IPP: variants seen among roughly 807,000 people sequenced by gnomAD.
The protein encoded by IPP is intracisternal A particle-promoted polypeptide.
A neutral mutation model predicts 64.1 loss-of-function variants in IPP; 41 were observed. The observed-to-expected ratio is 0.64, with a 90% CI of 0.50 to 0.83. The LOEUF is 0.83. Among genes scored for constraint, IPP ranks in the 40% least tolerant of loss-of-function variants. IPP has a pLI of 0.00. For synonymous variants in IPP, 214 were observed against 235.2 expected (o/e 0.91, Z 0.83); for missense variants, 649 against 703.0 (o/e 0.92, Z 0.87).
intron 5 of IPP, among the ~76,000 whole-genome samples, chr1:45,721,993 CGA>C (rs1226507925): frequency 6.6e-6 from 1 of 152,002 alleles, no homozygotes; most frequent in African/African-American, 2.4e-5. Flanking sequence ...CACTTGAACC[CGA>C]GAGGCAGAGG....
At position 45,737,019 on chromosome 1, in the gene IPP, G is replaced by A. The variant is rs533882623; in HGVS notation, c.724+3882C>T. On this transcript the variant is annotated intron_variant, in intron 3 of 8. Coordinates refer to ENST00000396478, the MANE Select transcript of IPP (RefSeq NM_005897.3). ...GATCGCGCCACTGCACTCCAGCCTG[G>A]GCGACAGAGCGAGACTCCATCTCAA... is the stretch of plus-strand genomic sequence containing the variant. Among the ~76,000 whole-genome samples the A allele has an allele frequency of 1.0e-4, 15 of 148,588 alleles. No homozygotes were observed. In the East Asian group the frequency reaches 2.5e-3, roughly 25 times the overall value.
intron 3 of IPP, among the ~76,000 whole-genome samples, chr1:45,730,916 T>C (rs1336211927): frequency 6.6e-6 from 1 of 152,212 alleles, no homozygotes. Flanking sequence ...GGAAAGTCTT[T>C]ACAAGACCAT....
chr1:45,739,973 T>G (rs1646037791), intron 3 of IPP, among the ~76,000 whole-genome samples: 1 of 152,108 alleles, frequency 6.6e-6, no homozygotes, highest in Non-Finnish European at 1.5e-5. Flanking sequence ...CCTGCGGCCT[T>G]CCGCAGTGTT....
chr1:45,737,500 A>G (rs1570036717), intron 3 of IPP, among the ~76,000 whole-genome samples: 1 of 129,132 alleles, frequency 7.7e-6, no homozygotes, highest in Admixed American at 9.4e-5. Context: ...TGGCTCTGCC[A>G]CCCAGGCTAG....
intron 5 of IPP, among the ~76,000 whole-genome samples, chr1:45,725,836 A>G (rs1293947704): frequency 3.7e-5 from 5 of 136,436 alleles, no homozygotes; most frequent in African/African-American, 1.3e-4. Flanking sequence ...ACTCAGAGTT[A>G]AATGGATTAA....
chr1:45,706,454 ATTTT>A (rs796162586), intron 8 of IPP, among the ~76,000 whole-genome samples: 1 of 150,632 alleles, frequency 6.6e-6, no homozygotes, highest in Non-Finnish European at 1.5e-5. Context: ...TTTTTTAATA[ATTTT>A]TTTTTTCCAA....
intron 8 of IPP, among the ~76,000 whole-genome samples, chr1:45,707,960 C>T (rs1223768646): frequency 6.6e-6 from 1 of 151,826 alleles, no homozygotes; most frequent in African/African-American, 2.4e-5. Context: ...AGAAAAAACA[C>T]GTTACATATG....
chr1:45,746,571 A>C, intron 1 of IPP, 110 bp from the exon 2 acceptor site: 3 of 574,354 alleles, frequency 5.2e-6, no homozygotes. Flanking sequence ...GACATAAAAC[A>C]AATAAGGACT....
intron 3 of IPP, among the ~76,000 whole-genome samples, chr1:45,735,769 A>G (rs1299081858): frequency 6.6e-6 from 1 of 151,666 alleles, no homozygotes; most frequent in East Asian, 1.9e-4. Context: ...AGCTGGGACT[A>G]CAGATGCGTG....
chr1:45,737,530 G>A (rs984092534), intron 3 of IPP, among the ~76,000 whole-genome samples: 5 of 138,972 alleles, frequency 3.6e-5, no homozygotes, highest in African/African-American at 1.4e-4. Flanking sequence ...GTACAATCTT[G>A]GCTCACTGCA....
intron 1 of IPP, among the ~76,000 whole-genome samples, chr1:45,749,200 A>G (rs561186523): frequency 4.8e-4 from 73 of 152,318 alleles, no homozygotes; most frequent in Non-Finnish European, 7.8e-4. Context: ...GCCTCCTGCT[A>G]CAAGAAAGAG....
intron 8 of IPP, among the ~76,000 whole-genome samples, 178 bp from the exon 9 acceptor site, chr1:45,700,368 G>A (rs1239977605): frequency 6.6e-6 from 1 of 150,470 alleles, no homozygotes; most frequent in African/African-American, 2.4e-5. Context: ...TGGAGACAGG[G>A]TCTCGCTCTG....
chr1:45,741,850 G>A (rs1289404554), intron 2 of IPP, among the ~76,000 whole-genome samples: 3 of 79,700 alleles, frequency 3.8e-5, no homozygotes, highest in East Asian at 4.5e-4. Context: ...AGATGGTCTC[G>A]ATCTCCTGAC....
Position 45,741,888 on chromosome 1 carries a change from A to G in IPP, c.293-556T>C, listed in dbSNP as rs1165165174. ...TGTGATCCGCCCGCCTCGGCCTCCC[A>G]AAGTGCTGGGATTACAGGCGTGAGC... On this transcript the variant is annotated intron_variant, in intron 2 of 8. Coordinates refer to ENST00000396478, the MANE Select transcript of IPP (RefSeq NM_005897.3). Among the ~76,000 whole-genome samples, 3 of 78,068 alleles carry G rather than the reference A, an allele frequency of 3.8e-5. No homozygotes were observed. The East Asian group carries it at 1.4e-3, about 37-fold the overall frequency. The allele number at this position is 78,068 out of a possible 152,430, so 51.2% of individuals were successfully genotyped here.
In IPP at chr1:45,728,771, C is replaced by T. The variant is rs181171148; in HGVS notation, c.880+843G>A. Among the ~76,000 whole-genome samples the T allele has an allele frequency of 1.4e-4, 21 of 152,208 alleles. 1 individual carries two copies. In the East Asian group the frequency reaches 3.7e-3, roughly 27 times the overall value. On this transcript the variant is annotated intron_variant, in intron 4 of 8. Transcript: ENST00000396478. ...TCAGCCTTCCAAAGTGCTGGGATTACAGGCCATGAGCCACCACATCCAGAT... is the reference window on the plus strand; with the variant it reads ...TCAGCCTTCCAAAGTGCTGGGATTATAGGCCATGAGCCACCACATCCAGAT...
intron 8 of IPP, among the ~76,000 whole-genome samples, chr1:45,705,761 G>GC (rs1000733512): frequency 1.3e-5 from 2 of 152,108 alleles, no homozygotes; most frequent in Non-Finnish European, 2.9e-5. Flanking sequence ...AGCCAAGACT[G>GC]CCCCACTGCA....
At chr1:45,719,447 T>C in intron 5 of IPP, 107 bp from the exon 6 acceptor site, 1 of 696,404 alleles carries the variant, frequency 1.4e-6, no homozygotes, top group Non-Finnish European at 2.3e-6. Context: ...ATTCAACCAT[T>C]ATGTCTGATT....
intron 3 of IPP, among the ~76,000 whole-genome samples, chr1:45,739,969 G>GCCTTC (rs1179487643): frequency 6.6e-6 from 1 of 152,102 alleles, no homozygotes; most frequent in Non-Finnish European, 1.5e-5. Flanking sequence ...GGACCCTGCG[G>GCCTTC]CCTTCCGCAG....
At chr1:45,702,885 T>G (rs1009812902) in intron 8 of IPP, among the ~76,000 whole-genome samples, 3 of 152,154 alleles carry the variant, frequency 2.0e-5, no homozygotes, top group Admixed American at 6.6e-5. Context: ...AATAGGATCA[T>G]GGAGAAAGGA....
Sources: allele counts gnomAD v4.1 joint callset (sites outside exome capture counted in the v4.1 genomes callset), GRCh38; gene constraint gnomAD v4.1.1; transcripts MANE v1.5; gene names NCBI Gene and HGNC (gene_info 2026-07-23, HGNC 2026-07-21).